SEC24D: variants seen among roughly 807,000 people sequenced by gnomAD.
SEC24D encodes the protein protein transport protein Sec24D.
SEC24D carries 69 observed loss-of-function variants against 116.9 expected under a neutral mutation model. That is an observed-to-expected ratio of 0.59 (90% CI 0.49 to 0.72). SEC24D has a LOEUF of 0.72. SEC24D is among the 30% of genes least tolerant of loss of function. The pLI is 0.00. For missense variants in SEC24D, 1,131 were observed against 1,264.1 expected, an observed-to-expected ratio of 0.89 and a Z score of 1.60; for synonymous variants, 405 against 442.8, an observed-to-expected ratio of 0.91 and a Z score of 1.07.
At chr4:118,757,632 AT>A in intron 11 of SEC24D, 88 bp downstream of exon 11, 1 of 1,272,572 alleles carries the variant, frequency 7.9e-7, no homozygotes, top group Non-Finnish European at 1.1e-6. Flanking sequence ...AGCAAAAAAA[AT>A]CAATTGGTCA....
intron 3 of SEC24D, among the ~76,000 whole-genome samples, chr4:118,822,420 A>G: frequency 6.6e-6 from 1 of 152,182 alleles, no homozygotes; most frequent in Admixed American, 6.5e-5. Context: ...AAGCAACCTG[A>G]TCAAGTGAAA....
intron 2 of SEC24D, among the ~76,000 whole-genome samples, chr4:118,831,613 ATT>A (rs749221927): frequency 5.7e-5 from 8 of 141,576 alleles, no homozygotes; most frequent in Admixed American, 1.4e-4. Flanking sequence ...GATTTTTTTG[ATT>A]TTTTTTTTTT....
chr4:118,801,423 CAGA>C (rs1729440212), intron 7 of SEC24D, among the ~76,000 whole-genome samples: 1 of 151,972 alleles, frequency 6.6e-6, no homozygotes, highest in South Asian at 2.1e-4. Flanking sequence ...TAAGCAGTAA[CAGA>C]GGAGGAAACC....
chr4:118,780,249 T>C (rs1728336130), intron 8 of SEC24D, among the ~76,000 whole-genome samples: 1 of 152,206 alleles, frequency 6.6e-6, no homozygotes, highest in South Asian at 2.1e-4. Context: ...GTGCTATAAA[T>C]TTCCCTCTAC....
chr4:118,791,596 C>T (rs1290863573), intron 8 of SEC24D, among the ~76,000 whole-genome samples: 3 of 152,262 alleles, frequency 2.0e-5, no homozygotes, highest in East Asian at 1.9e-4. Flanking sequence ...ACTGTACTGC[C>T]GCCATCTCGA....
chr4:118,754,414 C>T (rs1726981440), intron 11 of SEC24D, among the ~76,000 whole-genome samples: 1 of 152,110 alleles, frequency 6.6e-6, no homozygotes, highest in African/African-American at 2.4e-5. Context: ...TGTGAAATCT[C>T]CCCGATGCTA....
rs754123469 is a variant in SEC24D, at chr4:118,764,964, C to T, written c.1181-47G>A. 1.2e-5 allele frequency: 13 copies of T among 1,061,308 alleles called. No individual in the cohort carries two copies. In the East Asian group the frequency reaches 2.6e-4, roughly 21 times the overall value. The allele number at this position is 1,061,308 out of a possible 1,614,324, so 65.7% of individuals were successfully genotyped here. A position where few individuals can be genotyped will look rare whatever the true frequency, so the allele number is the denominator to read the frequency against. On this transcript the variant is annotated intron_variant, in intron 9 of 22. Coordinates refer to ENST00000280551, the MANE Select transcript of SEC24D (RefSeq NM_014822.4). Reference sequence around the variant, plus strand: ...AGAAAATATTTTGTTTTCATAAACACAGACAATTTAGTAAGTTCTCAAAAT... The same window carrying T: ...AGAAAATATTTTGTTTTCATAAACATAGACAATTTAGTAAGTTCTCAAAAT...
At chr4:118,808,137 T>G (rs1232509248) in intron 6 of SEC24D, among the ~76,000 whole-genome samples, 1 of 152,126 alleles carries the variant, frequency 6.6e-6, no homozygotes, top group Non-Finnish European at 1.5e-5. Flanking sequence ...ATTTTTAAAT[T>G]TTTTGTAGAG....
At chr4:118,814,597 GT>G (rs996564846) in intron 6 of SEC24D, among the ~76,000 whole-genome samples, 10 of 151,944 alleles carry the variant, frequency 6.6e-5, no homozygotes, top group African/African-American at 2.4e-4. Context: ...AAAAAAATTT[GT>G]TTTTTTATTG....
intron 8 of SEC24D, among the ~76,000 whole-genome samples, chr4:118,775,590 T>C (rs1338100052): frequency 6.6e-6 from 1 of 152,032 alleles, no homozygotes; most frequent in Non-Finnish European, 1.5e-5. Context: ...GAGGAGAGCC[T>C]TCAAAGCCAG....
rs765842614 is a variant in SEC24D, at chr4:118,731,482, A to G, written c.2702T>C (p.Met901Thr). Residue 901 changes from methionine to threonine, a missense_variant, in exon 21 of 23, where the codon ATG (methionine) becomes ACG (threonine). Physicochemically the swap from Met to Thr is moderately conservative, Grantham distance 81. Transcript: ENST00000280551. ...AGAGCAACGAACGGCAGCAGGTAACATTGTACTCTTGACATCTAACGTGTG... is the reference window on the plus strand; with the variant it reads ...AGAGCAACGAACGGCAGCAGGTAACGTTGTACTCTTGACATCTAACGTGTG... ...PIHTLDVKST[M>T]LPAAVRCSES... The G allele has an allele frequency of 1.9e-6, 3 of 1,614,102 alleles. No homozygotes were observed. The highest frequency in any genetic ancestry group is 2.5e-6 in the Non-Finnish European group (3 of 1,179,972).
chr4:118,823,041 A>C (rs1346589859), intron 3 of SEC24D, among the ~76,000 whole-genome samples: 1 of 152,058 alleles, frequency 6.6e-6, no homozygotes, highest in Non-Finnish European at 1.5e-5. Context: ...TTACAAGTGA[A>C]AATGAGGACA....
intron 8 of SEC24D, among the ~76,000 whole-genome samples, chr4:118,788,731 A>T (rs939284803): frequency 2.0e-5 from 3 of 152,216 alleles, no homozygotes; most frequent in Non-Finnish European, 2.9e-5. Flanking sequence ...GTAGGATTTT[A>T]AAAAATGTTT....
At chr4:118,766,623 C>A (rs1179642327) in intron 9 of SEC24D, 1 of 152,202 alleles carries the variant, frequency 6.6e-6, no homozygotes, top group Non-Finnish European at 1.5e-5. Flanking sequence ...CCTGAGCCGA[C>A]ACTTTGGGTA....
intron 6 of SEC24D, among the ~76,000 whole-genome samples, chr4:118,808,119 C>T (rs1729752103): frequency 6.6e-6 from 1 of 152,046 alleles, no homozygotes; most frequent in Non-Finnish European, 1.5e-5. Context: ...CACCACTATG[C>T]CCAGTTAATT....
intron 15 of SEC24D, among the ~76,000 whole-genome samples, chr4:118,743,218 A>G (rs1726322536): frequency 6.6e-6 from 1 of 152,178 alleles, no homozygotes; most frequent in Admixed American, 6.6e-5. Context: ...TATATTTTAC[A>G]TAAAATATAT....
intron 20 of SEC24D, among the ~76,000 whole-genome samples, 185 bp from the exon 21 acceptor site, chr4:118,731,692 G>C (rs1725692500): frequency 6.6e-6 from 1 of 152,132 alleles, no homozygotes; most frequent in Admixed American, 6.6e-5. Flanking sequence ...GTTTTGTGCA[G>C]GGAGGAAGAG....
At chr4:118,725,236 T>C (rs1032794113) in intron 22 of SEC24D, among the ~76,000 whole-genome samples, 1 of 152,218 alleles carries the variant, frequency 6.6e-6, no homozygotes, top group Non-Finnish European at 1.5e-5. Context: ...CTCTAGGTAC[T>C]GGGAGTTGGC....
Position 118,768,254 on chromosome 4 carries a change from T to C in SEC24D, c.1099A>G (p.Lys367Glu). 1 of 1,613,888 alleles carries C rather than the reference T, an allele frequency of 6.2e-7. No homozygotes were observed. Among genetic ancestry groups the C allele is most frequent in the Non-Finnish European group, 8.5e-7 (1 of 1,179,802 alleles). ...TGCATAAATGGGCACATGTAGGCCTTGCACCTGTTGCATCTGACTGGTCCA... is the reference window on the plus strand; with the variant it reads ...TGCATAAATGGGCACATGTAGGCCTCGCACCTGTTGCATCTGACTGGTCCA... ...ESGPVRCNRCKAYMCPFMQFI... is the reference protein window; with the variant it reads ...ESGPVRCNRCEAYMCPFMQFI... Residue 367 changes from lysine (K) to glutamate (E), a missense_variant, in exon 9 of 23, where the codon AAG (lysine) becomes GAG (glutamate). Coordinates refer to ENST00000280551, the MANE Select transcript of SEC24D (RefSeq NM_014822.4).
Sources: allele counts gnomAD v4.1 joint callset (sites outside exome capture counted in the v4.1 genomes callset), GRCh38; gene constraint gnomAD v4.1.1; transcripts MANE v1.5; gene names NCBI Gene and HGNC (gene_info 2026-07-23, HGNC 2026-07-21).